DCUN1D2: variants seen among roughly 807,000 people sequenced by gnomAD.
The protein encoded by DCUN1D2 is defective in cullin neddylation 1 domain containing 2.
DCUN1D2 carries 29 observed loss-of-function variants against 30.9 expected under a neutral mutation model. The observed-to-expected ratio is 0.94, with a 90% CI of 0.70 to 1.28. DCUN1D2 has a LOEUF of 1.28. Ranked by LOEUF, DCUN1D2 falls within the 50% of genes most tolerant of loss-of-function variation. The probability of loss-of-function intolerance (pLI) is 0.00; values close to 1 mark genes in which losing one functional copy is unlikely to be tolerated. For synonymous variants in DCUN1D2, 121 were observed against 115.3 expected, an observed-to-expected ratio of 1.05 and a Z score of -0.32; for missense variants, 325 against 316.9, an observed-to-expected ratio of 1.03 and a Z score of -0.19.
chr13:113,470,630 G>C (rs1280143369), intron 4 of DCUN1D2, among the ~76,000 whole-genome samples: 1 of 135,800 alleles, frequency 7.4e-6, no homozygotes, highest in Non-Finnish European at 1.6e-5. Context: ...AACTCCACAA[G>C]GGACCCAACT....
intron 3 of DCUN1D2, chr13:113,478,913 A>T (rs1234122963): frequency 1.3e-5 from 2 of 151,940 alleles, no homozygotes; most frequent in East Asian, 3.9e-4. Flanking sequence ...AATTTTAAAC[A>T]CCAGGAGAGA....
At position 113,458,060 on chromosome 13, in the gene DCUN1D2, A is replaced by G. The variant is rs747323463; in HGVS notation, c.749T>C (p.Val250Ala). 6.2e-7 allele frequency: 1 copy of G among 1,614,044 alleles called. No homozygotes were observed. The highest frequency in any genetic ancestry group is 8.5e-7 in the Non-Finnish European group (1 of 1,180,024). The change falls in exon 7 of 7, where the codon GTA (valine) becomes GCA (alanine). Residue 250 changes from valine (V) to alanine (A), a missense_variant. Coordinates refer to ENST00000478244, the MANE Select transcript of DCUN1D2 (RefSeq NM_001014283.2). Reference sequence around the variant, plus strand: ...AAGGCTGCGTTTTCCACCTGTGACTACTGGCCGTGCATATTCTACAAAATC... The same window carrying G: ...AAGGCTGCGTTTTCCACCTGTGACTGCTGGCCGTGCATATTCTACAAAATC... Reference protein sequence around the residue: ...IDDFVEYARPVVTGGKRSLF With the variant: ...IDDFVEYARPAVTGGKRSLF
chr13:113,490,426 C>A lies in DCUN1D2; in HGVS notation c.3+241G>T. 2 of 361,024 alleles carry A rather than the reference C, an allele frequency of 5.5e-6. No homozygotes were observed. The highest frequency in any genetic ancestry group is 5.2e-5 in the South Asian group (1 of 19,370). 22.4% of individuals were successfully genotyped at this position (361,024 alleles called of 1,614,324 possible). A position where few individuals can be genotyped will look rare whatever the true frequency, so the allele number is the denominator to read the frequency against. ...ACAGTTCCTCCCGGCCCCCGCCCTC[C>A]GCTCACTCCCGGTCGTCCCTCGCGG... On this transcript the variant is annotated intron_variant, in intron 1 of 6. Coordinates refer to ENST00000478244, the MANE Select transcript of DCUN1D2 (RefSeq NM_001014283.2). This position sits in a 1 kb window ranked among gnomAD's most constrained non-coding sequence, Gnocchi z 5.2.
chr13:113,469,204 G>A (rs1032891282), intron 4 of DCUN1D2, among the ~76,000 whole-genome samples: 7 of 151,578 alleles, frequency 4.6e-5, no homozygotes, highest in Non-Finnish European at 1.0e-4. Flanking sequence ...AAGTCGAAAA[G>A]CTGCCCCGAA....
rs1222572641 is a variant in DCUN1D2, at chr13:113,456,335, C to G, written c.*1694G>C. ...TCCCTGCTGCCCTCTGTGACCATCT[C>G]TGCTAAGAAACATCGACAGTTCGTC... On this transcript the variant is annotated 3_prime_UTR_variant, in exon 7 of 7. Coordinates refer to ENST00000478244, the MANE Select transcript of DCUN1D2 (RefSeq NM_001014283.2). The G allele has an allele frequency of 2.5e-6, 1 of 398,694 alleles. No homozygotes were observed. Among genetic ancestry groups the G allele is most frequent in the East Asian group, 3.6e-5 (1 of 28,094 alleles). 24.7% of individuals were successfully genotyped at this position (398,694 alleles called of 1,614,324 possible).
intron 4 of DCUN1D2, among the ~76,000 whole-genome samples, chr13:113,466,610 G>A (rs952118151): frequency 2.0e-5 from 3 of 152,082 alleles, no homozygotes; most frequent in Admixed American, 6.6e-5. Context: ...GTTTTCAGGG[G>A]GCAGGGTGAA....
intron 5 of DCUN1D2, among the ~76,000 whole-genome samples, chr13:113,460,651 C>T (rs1223700948): frequency 2.0e-5 from 3 of 152,346 alleles, no homozygotes; most frequent in South Asian, 2.1e-4. Flanking sequence ...TCCGCAGTTC[C>T]GGAGCCCAAA....
At chr13:113,483,637 C>T (rs574833005) in intron 2 of DCUN1D2, among the ~76,000 whole-genome samples, 4 of 152,340 alleles carry the variant, frequency 2.6e-5, no homozygotes, top group South Asian at 4.1e-4. Context: ...TCTTCTCGCC[C>T]TCCCCACCCC....
chr13:113,467,767 G>A (rs1469653210), intron 4 of DCUN1D2, among the ~76,000 whole-genome samples: 1 of 152,156 alleles, frequency 6.6e-6, no homozygotes, highest in African/African-American at 2.4e-5. Context: ...AAGCGGGCCG[G>A]GCGCGGTGGC....
Position 113,461,691 on chromosome 13 carries a change from C to T in DCUN1D2, c.521-555G>A, listed in dbSNP as rs550284975. ...CGGCAGCTAGCAGGGAAAGCGTTCT[C>T]ACTGATGCATCTACACAGGACACTG... On this transcript the variant is annotated intron_variant, in intron 4 of 6. Coordinates refer to ENST00000478244, the MANE Select transcript of DCUN1D2 (RefSeq NM_001014283.2). Among the ~76,000 whole-genome samples, 66 of 151,954 alleles carry T rather than the reference C, an allele frequency of 4.3e-4. 1 individual carries two copies. Among genetic ancestry groups the T allele is most frequent in the African/African-American group, 1.5e-3 (63 of 41,412 alleles).
In DCUN1D2 at chr13:113,457,726, A is replaced by G. The variant is rs1410527920; in HGVS notation, c.*303T>C. The G allele has an allele frequency of 4.1e-6, 1 of 245,984 alleles. No homozygotes were observed. The highest frequency in any genetic ancestry group is 8.0e-6 in the Non-Finnish European group (1 of 125,676). 15.2% of individuals were successfully genotyped at this position (245,984 alleles called of 1,614,324 possible). ...TACGCAGCATGCTCTGCGGTCCCAC[A>G]GGCGGCGCTATGGCTCTACCTTAGT... is the stretch of plus-strand genomic sequence containing the variant. On this transcript the variant is annotated 3_prime_UTR_variant, in exon 7 of 7. Transcript: ENST00000478244.
chr13:113,466,801 A>ATTTTTTTTTTTTTTTTTTTT (rs112063279), intron 4 of DCUN1D2, among the ~76,000 whole-genome samples: 1 of 109,798 alleles, frequency 9.1e-6, no homozygotes, highest in Non-Finnish European at 1.8e-5. Flanking sequence ...TGTCCTTTGG[A>ATTTTTTTTTTTTTTTTTTTT]TTTTTTTTTT....
At chr13:113,489,619 C>T (rs554302081) in intron 1 of DCUN1D2, among the ~76,000 whole-genome samples, 1 of 152,280 alleles carries the variant, frequency 6.6e-6, no homozygotes, top group East Asian at 1.9e-4. Context: ...CTACACGTTA[C>T]CGTGTCCCTT....
chr13:113,458,221 T>C (rs41288600), intron 6 of DCUN1D2, 113 bp from the exon 7 acceptor site: 140 of 893,132 alleles, frequency 1.6e-4, no homozygotes, highest in Non-Finnish European at 2.5e-4. Flanking sequence ...TGACTTGAGG[T>C]CCACACCATT....
At chr13:113,461,378 T>TC (rs1304801843) in intron 4 of DCUN1D2, among the ~76,000 whole-genome samples, 2 of 152,150 alleles carry the variant, frequency 1.3e-5, no homozygotes, top group African/African-American at 4.8e-5. Flanking sequence ...TGCACACAAT[T>TC]CCCCCCTAAT....
In DCUN1D2 at chr13:113,478,323, T is replaced by C. The variant is rs1594117767; in HGVS notation, c.389+2252A>G. ...TGTCAAATTTACTGGCATAAAGCTC[T>C]TCATACATGACTTTTTTTTTTTTAA... On this transcript the variant is annotated intron_variant, in intron 3 of 6. Coordinates refer to ENST00000478244, the MANE Select transcript of DCUN1D2 (RefSeq NM_001014283.2). Among the ~76,000 whole-genome samples the C allele has an allele frequency of 2.6e-5, 4 of 151,594 alleles. No homozygotes were observed. In the South Asian group the frequency reaches 8.4e-4, roughly 32 times the overall value.
intron 3 of DCUN1D2, 120 bp from the exon 4 acceptor site, chr13:113,474,374 A>C: frequency 7.2e-7 from 1 of 1,382,850 alleles, no homozygotes; most frequent in Non-Finnish European, 9.8e-7. Context: ...GTATTTCCCA[A>C]CTTCCTTTCC....
intron 4 of DCUN1D2, among the ~76,000 whole-genome samples, chr13:113,467,489 G>T (rs969332252): frequency 3.5e-5 from 5 of 144,592 alleles, no homozygotes; most frequent in Admixed American, 1.4e-4. Flanking sequence ...TAAAATTTGT[G>T]ACACCACTGC....
At position 113,490,419 on chromosome 13, in the gene DCUN1D2, C is replaced by G; in HGVS notation, c.3+248G>C. The G allele has an allele frequency of 2.8e-6, 1 of 357,420 alleles. No homozygotes were observed. The highest frequency in any genetic ancestry group is 5.2e-5 in the South Asian group (1 of 19,194). The allele number at this position is 357,420 out of a possible 1,614,324, so 22.1% of individuals were successfully genotyped here. On this transcript the variant is annotated intron_variant, in intron 1 of 6. Coordinates refer to ENST00000478244, the MANE Select transcript of DCUN1D2 (RefSeq NM_001014283.2). The surrounding 1 kb of genome is among the most constrained non-coding windows in gnomAD (Gnocchi z 5.2). ...GGCCCCTACAGTTCCTCCCGGCCCC[C>G]GCCCTCCGCTCACTCCCGGTCGTCC...
Sources: gnomAD v4.1 joint callset for allele counts (sites outside exome capture counted in the v4.1 genomes callset) on GRCh38, gnomAD v4.1.1 for gene constraint, Gnocchi (gnomAD v3.1) non-coding constraint, MANE v1.5 for transcripts, NCBI Gene and HGNC (gene_info 2026-07-23, HGNC 2026-07-21) for gene names.